The following SNTG1 variants were observed in gnomAD, a reference collection of about 807,000 sequenced individuals.
The protein encoded by SNTG1 is syntrophin gamma 1.
Under a neutral mutation model 74.7 loss-of-function variants are expected in SNTG1, and 39 were observed. The observed-to-expected ratio is 0.52, with a 90% CI of 0.40 to 0.68. The LOEUF (loss-of-function observed/expected upper bound fraction) is 0.68, where lower values mean the gene tolerates loss of function less well. Among genes scored for constraint, SNTG1 ranks in the 30% least tolerant of loss-of-function variants. SNTG1 has a pLI of 0.00. For missense variants in SNTG1, 685 were observed against 609.5 expected (o/e 1.12, Z -1.30); for synonymous variants, 254 against 217.1 (o/e 1.17, Z -1.49).
At chr8:50,005,132 A>G (rs928043968) in intron 1 of SNTG1, among the ~76,000 whole-genome samples, 3 of 152,130 alleles carry the variant, frequency 2.0e-5, no homozygotes, top group Non-Finnish European at 4.4e-5. Context: ...AAGATCTAAA[A>G]TCTATTTCTT....
At chr8:50,342,175 T>C (rs2091336583) in intron 2 of SNTG1, among the ~76,000 whole-genome samples, 1 of 152,084 alleles carries the variant, frequency 6.6e-6, no homozygotes, top group Non-Finnish European at 1.5e-5. Flanking sequence ...TTCCTTCTGC[T>C]CATTTTAGTT....
At position 50,777,218 on chromosome 8, in the gene SNTG1, C is replaced by CATAT. The variant is rs34381602; in HGVS notation, c.1396-15439_1396-15436dup. On this transcript the variant is annotated intron_variant, in intron 18 of 18. Coordinates refer to ENST00000642720, the MANE Select transcript of SNTG1 (RefSeq NM_018967.5). ...TTTTGGACTCTGAAGACATGAATAG[C>CATAT]ATATATATATATATATAATAATATA... Among the ~76,000 whole-genome samples, 717 of 143,588 alleles carry CATAT rather than the reference C, an allele frequency of 5.0e-3. 4 individuals carry two copies. The highest frequency in any genetic ancestry group is 0.013 in the African/African-American group (539 of 40,016). The allele number at this position is 143,588 out of a possible 152,430, so 94.2% of individuals were successfully genotyped here.
At chr8:50,326,272 A>T (rs923057943) in intron 2 of SNTG1, among the ~76,000 whole-genome samples, 5 of 152,034 alleles carry the variant, frequency 3.3e-5, no homozygotes, top group Non-Finnish European at 2.9e-5. Flanking sequence ...GAAAATTGGT[A>T]TAATTTCTTC....
chr8:50,504,628 C>A (rs76313685), intron 9 of SNTG1, among the ~76,000 whole-genome samples: 6,690 of 152,096 alleles, frequency 0.044, 258 homozygotes, highest in African/African-American at 0.096. Context: ...GCCATCTCTA[C>A]CAAAAATACA....
intron 2 of SNTG1, among the ~76,000 whole-genome samples, chr8:50,291,321 T>C (rs941763633): frequency 3.3e-5 from 5 of 151,162 alleles, no homozygotes; most frequent in African/African-American, 9.8e-5. Context: ...CAAAACAGGG[T>C]AGAAGGAAAG....
At chr8:50,051,726 C>A (rs1004689724) in intron 1 of SNTG1, among the ~76,000 whole-genome samples, 1 of 152,084 alleles carries the variant, frequency 6.6e-6, no homozygotes, top group African/African-American at 2.4e-5. Context: ...TTGTGTGCCT[C>A]TGTCTTCACA....
intron 1 of SNTG1, among the ~76,000 whole-genome samples, chr8:49,931,311 C>T (rs921102794): frequency 2.0e-5 from 3 of 152,272 alleles, no homozygotes; most frequent in Non-Finnish European, 4.4e-5. Context: ...GGACTGTACC[C>T]TGAAGAAACC....
At chr8:50,506,285 C>T (rs1250399742) in intron 9 of SNTG1, among the ~76,000 whole-genome samples, 1 of 151,878 alleles carries the variant, frequency 6.6e-6, no homozygotes, top group African/African-American at 2.4e-5. Flanking sequence ...AGTGTAAAGC[C>T]CCAGCTCTGT....
At chr8:50,304,857 G>A (rs553126484) in intron 2 of SNTG1, among the ~76,000 whole-genome samples, 3 of 152,152 alleles carry the variant, frequency 2.0e-5, no homozygotes, top group South Asian at 4.2e-4. Context: ...CTTATTCTCT[G>A]TTAGATTCCT....
chr8:50,211,238 A>G (rs2084507180), intron 2 of SNTG1, among the ~76,000 whole-genome samples: 1 of 152,154 alleles, frequency 6.6e-6, no homozygotes, highest in South Asian at 2.1e-4. Flanking sequence ...GTTTAGTACT[A>G]TCAAGAGTAT....
At chr8:50,325,341 C>A (rs2090701959) in intron 2 of SNTG1, among the ~76,000 whole-genome samples, 1 of 151,734 alleles carries the variant, frequency 6.6e-6, no homozygotes, top group Non-Finnish European at 1.5e-5. Context: ...TTGAGTCTAT[C>A]CATAAATAGA....
chr8:50,572,256 T>TTTTA (rs368992995), intron 12 of SNTG1, among the ~76,000 whole-genome samples: 4,812 of 113,198 alleles, frequency 0.043, 90 homozygotes, highest in African/African-American at 0.049. Context: ...CTATCACCTA[T>TTTTA]TTTATATATA....
intron 18 of SNTG1, among the ~76,000 whole-genome samples, chr8:50,770,632 T>C (rs1455061185): frequency 1.3e-5 from 2 of 152,056 alleles, no homozygotes; most frequent in African/African-American, 4.8e-5. Context: ...GGTTTTAATA[T>C]GGCTTCTCCC....
intron 8 of SNTG1, among the ~76,000 whole-genome samples, chr8:50,471,466 C>A (rs1044009134): frequency 1.3e-5 from 2 of 152,106 alleles, no homozygotes; most frequent in East Asian, 1.9e-4. Flanking sequence ...TCAAGCATAT[C>A]AAATGCTGGC....
intron 1 of SNTG1, among the ~76,000 whole-genome samples, chr8:50,078,124 A>G (rs1394943746): frequency 1.3e-5 from 2 of 152,246 alleles, no homozygotes. Context: ...CTACCAGTTC[A>G]GTTCCATTGG....
At chr8:50,142,226 C>T (rs551802430) in intron 1 of SNTG1, among the ~76,000 whole-genome samples, 2 of 152,138 alleles carry the variant, frequency 1.3e-5, no homozygotes, top group Admixed American at 1.3e-4. Flanking sequence ...CCACGACAGG[C>T]ATTTTACAAG....
intron 1 of SNTG1, among the ~76,000 whole-genome samples, chr8:50,148,088 A>G (rs2081934091): frequency 6.6e-6 from 1 of 152,218 alleles, no homozygotes; most frequent in Admixed American, 6.6e-5. Flanking sequence ...GAGCAAAAAT[A>G]TGCGTAACAT....
intron 1 of SNTG1, among the ~76,000 whole-genome samples, chr8:49,976,354 T>C (rs1812191107): frequency 6.6e-6 from 1 of 152,230 alleles, no homozygotes. Context: ...CATCCACTTA[T>C]TCTCTGTGTT....
At chr8:50,202,303 T>G (rs1280231509) in intron 2 of SNTG1, among the ~76,000 whole-genome samples, 2 of 152,100 alleles carry the variant, frequency 1.3e-5, no homozygotes, top group African/African-American at 2.4e-5. Context: ...TACAGCACAG[T>G]GTTAATGTTC....
Sources: gnomAD v4.1 joint callset for allele counts (sites outside exome capture counted in the v4.1 genomes callset) on GRCh38, gnomAD v4.1.1 for gene constraint, MANE v1.5 for transcripts, NCBI Gene and HGNC (gene_info 2026-07-23, HGNC 2026-07-21) for gene names.